Variants in DCDC1 observed in about 807,000 individuals in gnomAD.
DCDC1 encodes doublecortin domain containing 1.
In DCDC1, 200 loss-of-function variants were observed where a neutral mutation model predicts 178.3. The ratio of observed to expected loss-of-function variants is 1.12; its 90% CI spans 1.00 to 1.26. DCDC1 has a LOEUF of 1.26. Among genes scored for constraint, DCDC1 ranks in the 50% most tolerant of loss-of-function variants. DCDC1 has a pLI of 0.00. For synonymous variants in DCDC1, 690 were observed against 604.8 expected (o/e 1.14, Z -2.07); for missense variants, 1,983 against 1,749.2 (o/e 1.13, Z -2.38).
At chr11:31,296,116 G>C (rs1274493876) in intron 6 of DCDC1, among the ~76,000 whole-genome samples, 1 of 152,116 alleles carries the variant, frequency 6.6e-6, no homozygotes, top group Non-Finnish European at 1.5e-5. Flanking sequence ...CAGCCAGCCA[G>C]CCCATCAGGG....
At chr11:31,003,087 AAT>A (rs58682579) in intron 20 of DCDC1, among the ~76,000 whole-genome samples, 54 of 147,104 alleles carry the variant, frequency 3.7e-4, no homozygotes, top group Admixed American at 4.1e-4. Context: ...CATATCTTTA[AAT>A]ATATATATAT....
chr11:30,955,161 G>C (rs964114585), intron 20 of DCDC1, among the ~76,000 whole-genome samples: 2 of 152,078 alleles, frequency 1.3e-5, no homozygotes, highest in African/African-American at 4.8e-5. Flanking sequence ...CTTTCTTGTA[G>C]TTTTCTCATT....
chr11:31,310,667 T>C (rs1948721187), intron 3 of DCDC1, among the ~76,000 whole-genome samples: 3 of 152,064 alleles, frequency 2.0e-5, no homozygotes, highest in Admixed American at 2.0e-4. Context: ...AGGTGTTTCA[T>C]AGCTTGTTAG....
At chr11:31,177,477 C>A (rs1479992377) in intron 9 of DCDC1, among the ~76,000 whole-genome samples, 1 of 151,840 alleles carries the variant, frequency 6.6e-6, no homozygotes, top group African/African-American at 2.4e-5. Context: ...ATTTACAAAA[C>A]AACCAGAAAA....
At chr11:31,017,550 T>TA (rs55971566) in intron 20 of DCDC1, among the ~76,000 whole-genome samples, 4,205 of 145,554 alleles carry the variant, frequency 0.029, 183 homozygotes, top group African/African-American at 0.097. Context: ...TTATCAATGG[T>TA]AAAAAAAAAA....
chr11:30,988,364 T>C (rs1950774366), intron 20 of DCDC1, among the ~76,000 whole-genome samples: 1 of 151,702 alleles, frequency 6.6e-6, no homozygotes, highest in Non-Finnish European at 1.5e-5. Flanking sequence ...GGTATTGGGA[T>C]GGGGCTAGTG....
intron 20 of DCDC1, among the ~76,000 whole-genome samples, chr11:31,057,914 T>C (rs1320648125): frequency 6.6e-6 from 1 of 152,136 alleles, no homozygotes; most frequent in African/African-American, 2.4e-5. Context: ...TCATGCTCTT[T>C]TACCGTAATG....
chr11:31,260,228 T>C (rs2137061895), intron 8 of DCDC1, among the ~76,000 whole-genome samples: 1 of 152,338 alleles, frequency 6.6e-6, no homozygotes, highest in South Asian at 2.1e-4. Flanking sequence ...GAAACTTTAT[T>C]GGTTTTTAAC....
chr11:30,952,625 AAT>A (rs1249922060), intron 20 of DCDC1, 57 bp from the exon 21 acceptor site: 5 of 712,394 alleles, frequency 7.0e-6, no homozygotes, highest in Non-Finnish European at 8.9e-6. Flanking sequence ...ATCACTTTAA[AAT>A]ATTCATTTTA....
intron 38 of DCDC1, among the ~76,000 whole-genome samples, chr11:30,873,460 G>A (rs78702485): frequency 9.0e-4 from 137 of 152,044 alleles, no homozygotes; most frequent in African/African-American, 3.1e-3. Flanking sequence ...TCCAAGGAAA[G>A]TGTCTGTCTT....
chr11:30,936,997 A>G (rs1947318119), intron 21 of DCDC1, among the ~76,000 whole-genome samples: 1 of 152,046 alleles, frequency 6.6e-6, no homozygotes, highest in Non-Finnish European at 1.5e-5. Flanking sequence ...GCCTTCCCCA[A>G]CCCACACAAG....
At chr11:31,112,082 G>A (rs1394685536) in intron 11 of DCDC1, among the ~76,000 whole-genome samples, 5 of 152,078 alleles carry the variant, frequency 3.3e-5, no homozygotes, top group Non-Finnish European at 7.4e-5. Flanking sequence ...ATATTTTAGT[G>A]GTTATATAAA....
chr11:30,896,168 CAT>C (rs1328213820), intron 34 of DCDC1, among the ~76,000 whole-genome samples: 5 of 152,184 alleles, frequency 3.3e-5, no homozygotes, highest in African/African-American at 7.2e-5. Context: ...GTATGAATAA[CAT>C]AAATTGAAAC....
chr11:31,028,405 G>T (rs1953392742), intron 20 of DCDC1, among the ~76,000 whole-genome samples: 1 of 151,870 alleles, frequency 6.6e-6, no homozygotes, highest in Admixed American at 6.6e-5. Context: ...ATCATTTACA[G>T]TTCTTCTCAC....
chr11:31,056,687 A>C (rs1208819939), intron 20 of DCDC1, among the ~76,000 whole-genome samples: 1 of 152,176 alleles, frequency 6.6e-6, no homozygotes, highest in Non-Finnish European at 1.5e-5. Flanking sequence ...AAATTCATAA[A>C]ACTCAAAGGA....
intron 20 of DCDC1, among the ~76,000 whole-genome samples, chr11:31,058,689 G>A (rs1283469822): frequency 1.3e-5 from 2 of 152,034 alleles, no homozygotes; most frequent in Non-Finnish European, 2.9e-5. Flanking sequence ...TGGAACTGAG[G>A]ATTCCCATGA....
chr11:31,046,790 A>T (rs1178955753), intron 20 of DCDC1, among the ~76,000 whole-genome samples: 3 of 152,082 alleles, frequency 2.0e-5, no homozygotes, highest in Non-Finnish European at 2.9e-5. Context: ...GGTTTCTGTT[A>T]AGATATGACA....
intron 20 of DCDC1, among the ~76,000 whole-genome samples, chr11:30,986,332 C>G (rs1950639877): frequency 6.6e-6 from 1 of 150,430 alleles, no homozygotes; most frequent in Admixed American, 6.6e-5. Context: ...ATTTTTCTCT[C>G]TCTCTTTTTT....
intron 15 of DCDC1, among the ~76,000 whole-genome samples, chr11:31,101,692 T>C (rs558593605): frequency 6.6e-6 from 1 of 152,320 alleles, no homozygotes; most frequent in Non-Finnish European, 1.5e-5. Context: ...AGTGCCTGGT[T>C]AATTAACAGG....
Sources: allele counts gnomAD v4.1 joint callset (sites outside exome capture counted in the v4.1 genomes callset), GRCh38; gene constraint gnomAD v4.1.1; transcripts MANE v1.5; gene names NCBI Gene and HGNC (gene_info 2026-07-23, HGNC 2026-07-21).